Variants in SNX25 observed in about 807,000 individuals in gnomAD.
The protein encoded by SNX25 is sorting nexin 25, also known as sorting nexin-25.
A neutral mutation model predicts 113.7 loss-of-function variants in SNX25; 62 were observed. That is an observed-to-expected ratio of 0.55 (90% CI 0.44 to 0.67). SNX25 has a LOEUF of 0.67. Ranked by LOEUF, SNX25 falls within the 30% of genes least tolerant of loss-of-function variation. The pLI is 0.00. For synonymous variants in SNX25, 421 were observed against 436.2 expected, an observed-to-expected ratio of 0.97 and a Z score of 0.43; for missense variants, 1,014 against 1,161.0, an observed-to-expected ratio of 0.87 and a Z score of 1.84.
intron 9 of SNX25, among the ~76,000 whole-genome samples, chr4:185,331,354 T>C (rs1236503203): frequency 6.6e-6 from 1 of 152,200 alleles, no homozygotes; most frequent in Non-Finnish European, 1.5e-5. Context: ...GTAAAAATGA[T>C]ACTTTTGAAG....
chr4:185,225,300 A>G (rs1311512907), intron 1 of SNX25, among the ~76,000 whole-genome samples: 14 of 151,920 alleles, frequency 9.2e-5, no homozygotes, highest in Non-Finnish European at 1.9e-4. Flanking sequence ...TAATTTTTGT[A>G]TTTTTAGTAG....
At chr4:185,212,491 GT>G (rs61204525) in intron 1 of SNX25, among the ~76,000 whole-genome samples, 18 of 104,940 alleles carry the variant, frequency 1.7e-4, no homozygotes, top group South Asian at 3.1e-4. Context: ...GTGTGTGTGT[GT>G]TTTTTTTTTT....
intron 1 of SNX25, among the ~76,000 whole-genome samples, chr4:185,240,118 G>T (rs910582655): frequency 3.9e-5 from 6 of 151,924 alleles, no homozygotes; most frequent in African/African-American, 1.5e-4. Context: ...CAAGGCAGAA[G>T]AATTTTTCTT....
chr4:185,324,154 A>G lies in SNX25; in HGVS notation c.1749+354A>G, dbSNP rs114002301. 3.8e-3 allele frequency among the ~76,000 whole-genome samples: 583 copies of G among 152,298 alleles called. 2 individuals carry two copies. The highest frequency in any genetic ancestry group is 0.013 in the African/African-American group (553 of 41,554). On this transcript the variant is annotated intron_variant, in intron 9 of 18. Coordinates refer to ENST00000652585, the MANE Select transcript of SNX25 (RefSeq NM_001378034.2). ...GGGCAGAAAGTCTGTAGGGTGGGACATTTATGGGTTAGACCAGCTAAGAAA... is the reference window on the plus strand; with the variant it reads ...GGGCAGAAAGTCTGTAGGGTGGGACGTTTATGGGTTAGACCAGCTAAGAAA...
At chr4:185,353,016 T>A in intron 14 of SNX25, 1 of 156,082 alleles carries the variant, frequency 6.4e-6, no homozygotes, top group Non-Finnish European at 1.4e-5. Flanking sequence ...AACCTGCTGA[T>A]GCGCAGATCA....
chr4:185,371,938 CAG>C (rs1391949038), downstream of SNX25, among the ~76,000 whole-genome samples: 1 of 152,146 alleles, frequency 6.6e-6, no homozygotes, highest in African/African-American at 2.4e-5. Flanking sequence ...CCAGCACACG[CAG>C]AGTCTGATGG....
intron 8 of SNX25, among the ~76,000 whole-genome samples, chr4:185,322,611 C>T (rs2095129237): frequency 6.6e-6 from 1 of 152,182 alleles, no homozygotes; most frequent in Non-Finnish European, 1.5e-5. Flanking sequence ...CCCCAAATTA[C>T]CTAATTTTAT....
intron 6 of SNX25, among the ~76,000 whole-genome samples, chr4:185,296,786 C>G (rs888463769): frequency 1.3e-5 from 2 of 152,154 alleles, no homozygotes; most frequent in Non-Finnish European, 2.9e-5. Context: ...AGTTTGCTCG[C>G]AAAATTTTCT....
chr4:185,362,077 A>G lies in SNX25; in HGVS notation c.2805A>G (p.Ala935=). 2 of 1,613,866 alleles carry G rather than the reference A, an allele frequency of 1.2e-6. No homozygotes were observed. Among genetic ancestry groups the G allele is most frequent in the Non-Finnish European group, 1.7e-6 (2 of 1,179,808 alleles). The change falls in exon 17 of 19, where the codon GCA becomes GCG. Residue 935 remains alanine, a synonymous_variant. Transcript: ENST00000652585. ...KEQSQETKQR[A]QQKLLENIPD... Reference sequence around the variant, plus strand: ...AAAGTCAGGAAACAAAACAGAGAGCACAGCAAAAGCTGCTTGAAAACATTC... The same window carrying G: ...AAAGTCAGGAAACAAAACAGAGAGCGCAGCAAAAGCTGCTTGAAAACATTC...
intron 5 of SNX25, among the ~76,000 whole-genome samples, chr4:185,269,174 C>T (rs543320720): frequency 3.9e-5 from 6 of 152,236 alleles, no homozygotes; most frequent in African/African-American, 1.2e-4. Flanking sequence ...TAGTGTCCTT[C>T]GATTCCTTTT....
rs116241841 is a variant in SNX25, at chr4:185,353,256, G to A, written c.2467-229G>A. ...ATTAATTCACTGATTATAATACAGC[G>A]ACAGATTTTTTTTTAAATTAGCTTA... On this transcript the variant is annotated intron_variant, in intron 14 of 18. Coordinates refer to ENST00000652585, the MANE Select transcript of SNX25 (RefSeq NM_001378034.2). 1,416 of 414,568 alleles carry A rather than the reference G, an allele frequency of 3.4e-3. 16 individuals carry two copies. The highest frequency in any genetic ancestry group is 0.024 in the African/African-American group (1,222 of 51,178). The allele number at this position is 414,568 out of a possible 1,614,324, so 25.7% of individuals were successfully genotyped here.
exon 12 of SNX25, chr4:185,369,971 C>T: frequency 4.0e-6 from 1 of 247,686 alleles, no homozygotes; most frequent in Non-Finnish European, 8.1e-6. Flanking sequence ...ACCAAGTCTG[C>T]TATGATGTAA....
At chr4:185,311,410 A>G (rs2095029434) in intron 7 of SNX25, among the ~76,000 whole-genome samples, 1 of 152,176 alleles carries the variant, frequency 6.6e-6, no homozygotes, top group African/African-American at 2.4e-5. Flanking sequence ...GTCTGTCAAT[A>G]CCAACCAAAT....
chr4:185,207,256 G>A (rs183492739), upstream of SNX25, among the ~76,000 whole-genome samples: 14 of 118,728 alleles, frequency 1.2e-4, no homozygotes, highest in East Asian at 1.8e-3. Flanking sequence ...TCTCGCTGTC[G>A]CCCAGGCTGG....
intron 4 of SNX25, among the ~76,000 whole-genome samples, chr4:185,265,642 A>G (rs1207851352): frequency 6.6e-6 from 1 of 152,214 alleles, no homozygotes; most frequent in Non-Finnish European, 1.5e-5. Context: ...ATTTTCTTCA[A>G]TAAATTAACC....
downstream of SNX25, among the ~76,000 whole-genome samples, chr4:185,370,389 CA>C (rs2095410854): frequency 6.6e-6 from 1 of 152,080 alleles, no homozygotes; most frequent in African/African-American, 2.4e-5. Context: ...CCTTAGGCTG[CA>C]GATAGTAGCA....
chr4:185,291,984 A>C (rs1047597036), intron 6 of SNX25, among the ~76,000 whole-genome samples: 1 of 152,166 alleles, frequency 6.6e-6, no homozygotes, highest in African/African-American at 2.4e-5. Flanking sequence ...GTGTGTGTGA[A>C]AATGCTAGAA....
chr4:185,208,146 T>C (rs1334733209), upstream of SNX25, among the ~76,000 whole-genome samples: 1 of 152,054 alleles, frequency 6.6e-6, no homozygotes, highest in Non-Finnish European at 1.5e-5. Flanking sequence ...TCTCACTCTG[T>C]TGCCCAAGCT....
chr4:185,214,048 TTC>T (rs1220383743), intron 1 of SNX25, among the ~76,000 whole-genome samples: 2 of 151,890 alleles, frequency 1.3e-5, no homozygotes, highest in South Asian at 2.1e-4. Context: ...GTTTAATTAT[TTC>T]TCTCTCTCTT....
Sources: gnomAD v4.1 joint callset for allele counts (sites outside exome capture counted in the v4.1 genomes callset) on GRCh38, gnomAD v4.1.1 for gene constraint, MANE v1.5 for transcripts, NCBI Gene and HGNC (gene_info 2026-07-23, HGNC 2026-07-21) for gene names.